The following CSMD2 variants were observed in gnomAD, a reference collection of about 807,000 sequenced individuals.
CSMD2 encodes the protein CUB and Sushi multiple domains 2, also known as CUB and sushi domain-containing protein 2.
Under a neutral mutation model 398.5 loss-of-function variants are expected in CSMD2, and 130 were observed. The observed-to-expected ratio is 0.33, with a 90% CI of 0.28 to 0.38. The LOEUF (loss-of-function observed/expected upper bound fraction) is 0.38, where lower values mean the gene tolerates loss of function less well. CSMD2 is among the 10% of genes least tolerant of loss of function. The probability of loss-of-function intolerance (pLI) is 1.00; values close to 1 mark genes in which losing one functional copy is unlikely to be tolerated. For synonymous variants in CSMD2, 1,828 were observed against 1,908.5 expected (o/e 0.96, Z 1.10); for missense variants, 3,829 against 4,764.9 (o/e 0.80, Z 5.78).
chr1:34,111,217 T>A (rs1661048445), intron 1 of CSMD2, among the ~76,000 whole-genome samples: 1 of 152,236 alleles, frequency 6.6e-6, no homozygotes, highest in African/African-American at 2.4e-5. Context: ...CCAGTGCTTT[T>A]ACAAAAGTAC....
At chr1:34,149,141 A>AGCCC (rs796319988) in intron 1 of CSMD2, among the ~76,000 whole-genome samples, 4 of 152,284 alleles carry the variant, frequency 2.6e-5, no homozygotes, top group African/African-American at 9.6e-5. Flanking sequence ...CTACCTTCAC[A>AGCCC]GCCCTATTTG....
At chr1:33,888,927 C>T (rs1234192516) in intron 5 of CSMD2, among the ~76,000 whole-genome samples, 1 of 152,106 alleles carries the variant, frequency 6.6e-6, no homozygotes, top group Non-Finnish European at 1.5e-5. Flanking sequence ...GCCACCACGC[C>T]CGGCTAATTT....
chr1:33,964,497 CA>C (rs1321203841), intron 3 of CSMD2, among the ~76,000 whole-genome samples: 1 of 152,200 alleles, frequency 6.6e-6, no homozygotes, highest in African/African-American at 2.4e-5. Context: ...TGGAATAGGA[CA>C]AGGGCAGAGG....
In CSMD2 at chr1:33,602,492, A is replaced by G; in HGVS notation, c.6587T>C (p.Phe2196Ser). 1 of 1,613,264 alleles carries G rather than the reference A, an allele frequency of 6.2e-7. No individual in the cohort carries two copies. Among genetic ancestry groups the G allele is most frequent in the Non-Finnish European group, 8.5e-7 (1 of 1,179,794 alleles). The part of the protein sequence containing the change: ...SSNGTVYSPG[F>S]PSPYSSSQDC... ...CTGGGAGCTGGAGTACGGGCTAGGG[A>G]ACCCCGGGGAGTACACAGTGCCGTT... Residue 2196 changes from phenylalanine to serine, a missense_variant, in exon 43 of 71, where the codon TTC becomes TCC. Transcript: ENST00000373381.
At chr1:33,834,199 C>T (rs1659964812) in intron 6 of CSMD2, among the ~76,000 whole-genome samples, 1 of 101,454 alleles carries the variant, frequency 9.9e-6, no homozygotes, top group South Asian at 4.3e-4. Flanking sequence ...CCAAATCAAT[C>T]CTAAGCCAAA....
chr1:33,707,763 T>C (rs1308556264), intron 22 of CSMD2, among the ~76,000 whole-genome samples: 1 of 149,784 alleles, frequency 6.7e-6, no homozygotes, highest in African/African-American at 2.5e-5. Flanking sequence ...CCAGAGGACA[T>C]ATGCCCCAGG....
intron 2 of CSMD2, among the ~76,000 whole-genome samples, chr1:34,065,595 C>T (rs1192433930): frequency 6.6e-6 from 1 of 152,160 alleles, no homozygotes; most frequent in Non-Finnish European, 1.5e-5. Flanking sequence ...GAGCTTGAGA[C>T]AATGACTTGA....
At chr1:33,851,248 C>T (rs774723294) in intron 5 of CSMD2, among the ~76,000 whole-genome samples, 29 of 152,172 alleles carry the variant, frequency 1.9e-4, no homozygotes, top group African/African-American at 2.7e-4. Flanking sequence ...GTAATGTACA[C>T]GATTCAGCTG....
chr1:33,826,075 C>T (rs12067054), intron 6 of CSMD2, among the ~76,000 whole-genome samples: 104,712 of 152,102 alleles, frequency 0.69, 37,294 homozygotes, highest in African/African-American at 0.89. Flanking sequence ...GAGATTTCAC[C>T]AGACCTACTG....
intron 1 of CSMD2, among the ~76,000 whole-genome samples, chr1:34,119,258 A>G (rs912082559): frequency 9.2e-5 from 14 of 152,206 alleles, no homozygotes; most frequent in African/African-American, 2.9e-4. Flanking sequence ...TATACCATAT[A>G]TAAAAATTAA....
intron 13 of CSMD2, among the ~76,000 whole-genome samples, chr1:33,771,284 G>A (rs752230093): frequency 3.9e-5 from 6 of 152,206 alleles, no homozygotes; most frequent in Non-Finnish European, 8.8e-5. Flanking sequence ...AATGGGCAAA[G>A]CCTTTGTGTT....
At chr1:34,063,371 A>G (rs1041161364) in intron 2 of CSMD2, among the ~76,000 whole-genome samples, 4 of 152,214 alleles carry the variant, frequency 2.6e-5, no homozygotes, top group Admixed American at 6.5e-5. Flanking sequence ...GTAAAATCAA[A>G]AAGCAAGCTA....
intron 21 of CSMD2, among the ~76,000 whole-genome samples, chr1:33,712,925 G>A (rs952076415): frequency 2.8e-4 from 42 of 152,192 alleles, no homozygotes; most frequent in African/African-American, 9.2e-4. Context: ...ATGGAATTCT[G>A]TAGCTCTTTG....
At chr1:33,790,700 T>A (rs560810149) in intron 11 of CSMD2, among the ~76,000 whole-genome samples, 10 of 140,854 alleles carry the variant, frequency 7.1e-5, no homozygotes, top group Non-Finnish European at 3.0e-5. Flanking sequence ...TCTATCTATC[T>A]ATCATCTATC....
chr1:34,151,333 G>T (rs1211700117), intron 1 of CSMD2, among the ~76,000 whole-genome samples: 8 of 152,186 alleles, frequency 5.3e-5, no homozygotes, highest in Admixed American at 5.2e-4. Context: ...AGGCAGACGG[G>T]AGCAGCTAAA....
At chr1:33,751,220 G>T (rs1223713032) in intron 13 of CSMD2, among the ~76,000 whole-genome samples, 3 of 150,920 alleles carry the variant, frequency 2.0e-5, no homozygotes, top group African/African-American at 7.3e-5. Context: ...AAAAAAAAAA[G>T]ATGGCATTGA....
intron 25 of CSMD2, among the ~76,000 whole-genome samples, chr1:33,667,518 T>G (rs768406943): frequency 6.6e-6 from 1 of 152,212 alleles, no homozygotes; most frequent in African/African-American, 2.4e-5. Flanking sequence ...CAGACCTTAG[T>G]GCTTCTACTC....
chr1:33,868,085 A>T (rs577638979), intron 5 of CSMD2, among the ~76,000 whole-genome samples: 1 of 152,072 alleles, frequency 6.6e-6, no homozygotes, highest in South Asian at 2.1e-4. Context: ...AGAGGGAGGG[A>T]AGGAGGAGGA....
intron 9 of CSMD2, chr1:33,814,289 C>T (rs139109103): frequency 1.3e-5 from 2 of 152,256 alleles, no homozygotes; most frequent in East Asian, 3.9e-4. Context: ...TACAGTTGAG[C>T]TTTGCTGTGA....
Sources: allele counts gnomAD v4.1 joint callset (sites outside exome capture counted in the v4.1 genomes callset), GRCh38; gene constraint gnomAD v4.1.1; transcripts MANE v1.5; gene names NCBI Gene and HGNC (gene_info 2026-07-23, HGNC 2026-07-21).